The following NFE2L3 variants were observed in gnomAD, a reference collection of about 807,000 sequenced individuals.
NFE2L3 encodes nuclear factor erythroid 2-related factor 3.
NFE2L3 carries 18 observed loss-of-function variants against 23.5 expected under a neutral mutation model. The ratio of observed to expected loss-of-function variants is 0.77; its 90% CI spans 0.53 to 1.13. NFE2L3 has a LOEUF of 1.13. NFE2L3 is among the 50% of genes most tolerant of loss of function. NFE2L3 has a pLI of 0.00. For missense variants in NFE2L3, 1,152 were observed against 877.2 expected, an observed-to-expected ratio of 1.31 and a Z score of -3.96; for synonymous variants, 424 against 354.5, an observed-to-expected ratio of 1.20 and a Z score of -2.20.
At chr7:26,176,111 C>T (rs1211160467) in intron 1 of NFE2L3, among the ~76,000 whole-genome samples, 1 of 151,064 alleles carries the variant, frequency 6.6e-6, no homozygotes, top group African/African-American at 2.4e-5. Context: ...GCACATCTTG[C>T]ACCGCCCTTA....
In NFE2L3 at chr7:26,185,356, A is replaced by T; in HGVS notation, c.1658A>T (p.Glu553Val). The change falls in exon 4 of 4, where the codon GAA becomes GTA. Residue 553 changes from glutamate to valine, a missense_variant. Transcript: ENST00000056233. ...KALHIPFSVD[E>V]IVGMPVDSFN... ...TTGCATATCCCTTTTTCTGTAGATG[A>T]AATTGTCGGCATGCCTGTTGATTCT... 6.2e-7 allele frequency: 1 copy of T among 1,614,148 alleles called. No individual in the cohort carries two copies. The highest frequency in any genetic ancestry group is 8.5e-7 in the Non-Finnish European group (1 of 1,180,000).
intron 1 of NFE2L3, 52 bp downstream of exon 1, chr7:26,153,120 C>A: frequency 6.8e-7 from 1 of 1,474,194 alleles, no homozygotes; most frequent in Non-Finnish European, 9.0e-7. Flanking sequence ...CCGCCGGGAG[C>A]CCCCGAGGCT....
chr7:26,185,698 C>T lies in NFE2L3; in HGVS notation c.2000C>T (p.Thr667Ile), dbSNP rs1241310156. 6.2e-7 allele frequency: 1 copy of T among 1,613,682 alleles called. No homozygotes were observed. The highest frequency in any genetic ancestry group is 8.5e-7 in the Non-Finnish European group (1 of 1,179,672). The change falls in exon 4 of 4, where the codon ACC becomes ATC. Residue 667 changes from threonine (T) to isoleucine (I), a missense_variant. Thr to Ile is a moderately conservative substitution (Grantham distance 89, BLOSUM62 -1). Coordinates refer to ENST00000056233, the MANE Select transcript of NFE2L3 (RefSeq NM_004289.7). ...CCCAACCACTATGCTCTCCAGTGTA[C>T]CCATGATGGAAGTATCTTGATAGTA... Reference protein sequence around the residue: ...VNPNHYALQCTHDGSILIVPK... With the variant: ...VNPNHYALQCIHDGSILIVPK...
rs369956392 is a variant in NFE2L3 at position 26,179,234 on chromosome 7, C to T, written c.750+1112C>T. On this transcript the variant is annotated intron_variant, in intron 2 of 3. Coordinates refer to ENST00000056233, the MANE Select transcript of NFE2L3 (RefSeq NM_004289.7). ...AACCCAGTGTGTCCATGTACAGTTG[C>T]TCACACCTATAATCCCAGCACTTTG... Among the ~76,000 whole-genome samples the T allele has an allele frequency of 4.7e-4, 71 of 152,198 alleles. No homozygotes were observed. The South Asian group carries it at 0.015, about 32-fold the overall frequency.
intron 1 of NFE2L3, among the ~76,000 whole-genome samples, chr7:26,168,100 C>T (rs1784277576): frequency 6.7e-6 from 1 of 148,436 alleles, no homozygotes; most frequent in Non-Finnish European, 1.5e-5. Flanking sequence ...TCCTGCCTCC[C>T]CCCAAGTCCT....
chr7:26,161,519 G>C (rs1784173650), intron 1 of NFE2L3, among the ~76,000 whole-genome samples: 1 of 151,822 alleles, frequency 6.6e-6, no homozygotes, highest in Non-Finnish European at 1.5e-5. Context: ...CAGACCCCCA[G>C]GTGGTTCTTG....
At chr7:26,157,325 G>A (rs1481307808) in intron 1 of NFE2L3, among the ~76,000 whole-genome samples, 1 of 151,116 alleles carries the variant, frequency 6.6e-6, no homozygotes, top group African/African-American at 2.4e-5. Context: ...CTACAGACGC[G>A]CACCACTGCT....
chr7:26,182,353 G>A (rs1053576985), intron 2 of NFE2L3, among the ~76,000 whole-genome samples: 4 of 149,678 alleles, frequency 2.7e-5, no homozygotes, highest in Admixed American at 2.0e-4. Flanking sequence ...GCCGGGCATG[G>A]TGTCTCATGC....
At chr7:26,159,942 CTTG>C (rs1784142109) in intron 1 of NFE2L3, among the ~76,000 whole-genome samples, 1 of 140,410 alleles carries the variant, frequency 7.1e-6, no homozygotes, top group Non-Finnish European at 1.5e-5. Context: ...TTCTTAAAAT[CTTG>C]TTGCTTTTTT....
Position 26,185,663 on chromosome 7 carries a change from G to C in NFE2L3, c.1965G>C (p.Arg655Ser). The C allele has an allele frequency of 6.2e-7, 1 of 1,613,920 alleles. No homozygotes were observed. The highest frequency in any genetic ancestry group is 8.5e-7 in the Non-Finnish European group (1 of 1,179,834). ...IFSRLRDDQG[R>S]PVNPNHYALQ... Reference sequence around the variant, plus strand: ...GTAGATTAAGAGATGACCAAGGTAGGCCAGTCAATCCCAACCACTATGCTC... The same window carrying C: ...GTAGATTAAGAGATGACCAAGGTAGCCCAGTCAATCCCAACCACTATGCTC... The change falls in exon 4 of 4, where the codon AGG becomes AGC. Residue 655 changes from arginine to serine, a missense_variant. Arg to Ser is a moderately radical substitution (Grantham distance 110). Transcript: ENST00000056233.
intron 1 of NFE2L3, among the ~76,000 whole-genome samples, chr7:26,171,262 T>G (rs983014228): frequency 2.6e-5 from 4 of 152,204 alleles, no homozygotes; most frequent in Non-Finnish European, 5.9e-5. Flanking sequence ...AGAAGCCAGT[T>G]AGGCTGGGCG....
At chr7:26,165,498 G>A (rs1039210660) in intron 1 of NFE2L3, among the ~76,000 whole-genome samples, 3 of 152,196 alleles carry the variant, frequency 2.0e-5, no homozygotes, top group Non-Finnish European at 4.4e-5. Context: ...CATTGATTTT[G>A]TATCCCGAGG....
rs371822797 is a variant in NFE2L3 at position 26,175,549 on chromosome 7, G to A, written c.571-2394G>A. 5.3e-5 allele frequency among the ~76,000 whole-genome samples: 8 copies of A among 152,008 alleles called. No homozygotes were observed. In the East Asian group the frequency reaches 5.8e-4, roughly 11 times the overall value. Reference sequence around the variant, plus strand: ...TCCCAGCACTTTGGGAGGCCGAGGCGGGCGGATCACGAGGTCAGGAGATCG... The same window carrying A: ...TCCCAGCACTTTGGGAGGCCGAGGCAGGCGGATCACGAGGTCAGGAGATCG... On this transcript the variant is annotated intron_variant, in intron 1 of 3. Coordinates refer to ENST00000056233, the MANE Select transcript of NFE2L3 (RefSeq NM_004289.7).
chr7:26,155,318 C>T lies in NFE2L3; in HGVS notation c.570+2250C>T, dbSNP rs542646219. Among the ~76,000 whole-genome samples, 21 of 152,052 alleles carry T rather than the reference C, an allele frequency of 1.4e-4. No individual in the cohort carries two copies. In the South Asian group the frequency reaches 3.8e-3, roughly 27 times the overall value. On this transcript the variant is annotated intron_variant, in intron 1 of 3. Transcript: ENST00000056233. ...TTACTTGGGCGTGATTACACATGCC[C>T]GTAGTCCCAGCTACTCGGGAGGCTG...
intron 1 of NFE2L3, 79 bp downstream of exon 1, chr7:26,153,147 A>G (rs1322294832): frequency 1.5e-6 from 2 of 1,360,150 alleles, no homozygotes; most frequent in African/African-American, 3.1e-5. Flanking sequence ...GGATCTGAGC[A>G]GGGGCCACTC....
At chr7:26,153,353 G>A (rs913601818) in intron 1 of NFE2L3, among the ~76,000 whole-genome samples, 14 of 152,218 alleles carry the variant, frequency 9.2e-5, no homozygotes, top group African/African-American at 3.4e-4. Flanking sequence ...GTTCGGGGAT[G>A]GGGAGGGGAG....
intron 1 of NFE2L3, among the ~76,000 whole-genome samples, chr7:26,168,462 A>G (rs1172899636): frequency 2.3e-5 from 1 of 44,222 alleles, no homozygotes; most frequent in East Asian, 1.3e-3. Context: ...TGTGAATGCC[A>G]TTAATTCGTT....
intron 1 of NFE2L3, among the ~76,000 whole-genome samples, chr7:26,170,142 A>C (rs1784314436): frequency 6.6e-6 from 1 of 152,198 alleles, no homozygotes; most frequent in Admixed American, 6.5e-5. Flanking sequence ...ACTTATTCAT[A>C]GACCTTTGGA....
intron 1 of NFE2L3, among the ~76,000 whole-genome samples, chr7:26,162,555 A>G (rs945262820): frequency 4.6e-5 from 7 of 152,116 alleles, no homozygotes; most frequent in African/African-American, 1.7e-4. Flanking sequence ...GGATAATTTA[A>G]CACTAAATAA....
Sources: allele counts gnomAD v4.1 joint callset (sites outside exome capture counted in the v4.1 genomes callset), GRCh38; gene constraint gnomAD v4.1.1; transcripts MANE v1.5; gene names NCBI Gene and HGNC (gene_info 2026-07-23, HGNC 2026-07-21).